MAST2: variants seen among roughly 807,000 people sequenced by gnomAD.
The protein encoded by MAST2 is microtubule-associated serine/threonine-protein kinase 2.
In MAST2, 70 loss-of-function variants were observed where a neutral mutation model predicts 147.4. The ratio of observed to expected loss-of-function variants is 0.47; its 90% CI spans 0.39 to 0.58. The LOEUF is 0.58. Ranked by LOEUF, MAST2 falls within the 20% of genes least tolerant of loss-of-function variation. The pLI, the probability that MAST2 is intolerant of heterozygous loss-of-function variation, is 0.00. For missense variants in MAST2, 2,080 were observed against 2,302.3 expected (o/e 0.90, Z 1.98); for synonymous variants, 869 against 896.8 (o/e 0.97, Z 0.55).
chr1:45,896,826 G>C (rs1276716037), intron 4 of MAST2, among the ~76,000 whole-genome samples: 1 of 152,166 alleles, frequency 6.6e-6, no homozygotes, highest in Non-Finnish European at 1.5e-5. Flanking sequence ...TGTATATGCA[G>C]TCATTAATCA....
intron 4 of MAST2, among the ~76,000 whole-genome samples, chr1:45,909,779 G>A (rs1463782644): frequency 6.6e-6 from 1 of 152,092 alleles, no homozygotes; most frequent in Non-Finnish European, 1.5e-5. Context: ...GCCTCCCAAA[G>A]TGCTGGGATT....
At position 45,970,481 on chromosome 1, in the gene MAST2, GGTGAAACCCTGTCTCTA is replaced by G. The variant is rs1458746280; in HGVS notation, c.592+11005_592+11021del. On this transcript the variant is annotated intron_variant, in intron 5 of 28. Coordinates refer to ENST00000361297, the MANE Select transcript of MAST2 (RefSeq NM_015112.3). ...AGTTCGAGACCATCCTGGCTAATAT[GGTGAAACCCTGTCTCTA>G]CTAAAAATACAAAAAAAAAATTAGC... Among the ~76,000 whole-genome samples the G allele has an allele frequency of 3.3e-5, 5 of 151,990 alleles. No individual in the cohort carries two copies. In the South Asian group the frequency reaches 1.0e-3, roughly 32 times the overall value.
chr1:45,837,087 A>G (rs1645125716), intron 3 of MAST2, among the ~76,000 whole-genome samples: 1 of 152,132 alleles, frequency 6.6e-6, no homozygotes, highest in Non-Finnish European at 1.5e-5. Context: ...GGTAATGCTC[A>G]CCCTCATACA....
In MAST2 at chr1:45,939,988, T is replaced by TTTTTGTTTTTTTTTTTTTTTTTG. The variant is rs1241853641; in HGVS notation, c.501-19394_501-19393insGTTTTTTTTTTTTTTTTTGTTTT. Reference sequence around the variant, plus strand: ...TTCTCTATTTATTTAGGGTTTTTTTTTTTTTTTTTTTTTGAGATGGAGTTT... The same window carrying TTTTTGTTTTTTTTTTTTTTTTTG: ...TTCTCTATTTATTTAGGGTTTTTTTTTTTTGTTTTTTTTTTTTTTTTTGTTTTTTTTTTTTTGAGATGGAGTTT... On this transcript the variant is annotated intron_variant, in intron 4 of 28. Transcript: ENST00000361297. Among the ~76,000 whole-genome samples the TTTTTGTTTTTTTTTTTTTTTTTG allele has an allele frequency of 1.5e-5, 2 of 130,772 alleles. 1 individual carries two copies. Among genetic ancestry groups the TTTTTGTTTTTTTTTTTTTTTTTG allele is most frequent in the Non-Finnish European group, 3.2e-5 (2 of 61,880 alleles). The allele number at this position is 130,772 out of a possible 152,430, so 85.8% of individuals were successfully genotyped here.
chr1:46,032,324 A>G lies in MAST2; in HGVS notation c.3334A>G (p.Lys1112Glu). The change falls in exon 25 of 29, where the codon AAG becomes GAG. Residue 1112 changes from lysine (K) to glutamate (E), a missense_variant. Around this residue, in one of 4 missense-constraint regions of MAST2, gnomAD observed 1,278 missense variants for 1,304.2 expected, o/e 0.98. Coordinates refer to ENST00000361297, the MANE Select transcript of MAST2 (RefSeq NM_015112.3). ...RPPIIIHRAGKKYGFTLRAIR... is the reference protein window; with the variant it reads ...RPPIIIHRAGEKYGFTLRAIR... ...TCCCATCATCATCCACCGAGCTGGC[A>G]AGAAGTATGGCTTCACCCTGCGGGC... 6.2e-7 allele frequency: 1 copy of G among 1,614,194 alleles called. No homozygotes were observed. The highest frequency in any genetic ancestry group is 8.5e-7 in the Non-Finnish European group (1 of 1,180,044).
intron 4 of MAST2, among the ~76,000 whole-genome samples, chr1:45,926,234 T>C (rs539316879): frequency 6.6e-6 from 1 of 152,372 alleles, no homozygotes; most frequent in Admixed American, 6.5e-5. Context: ...TCAAGGATTA[T>C]AGTAAGAATT....
chr1:45,940,938 A>G (rs1443346764), intron 4 of MAST2, among the ~76,000 whole-genome samples: 2 of 152,042 alleles, frequency 1.3e-5, no homozygotes, highest in Non-Finnish European at 2.9e-5. Flanking sequence ...TTTATTAGAA[A>G]GAGAATTGTT....
intron 4 of MAST2, among the ~76,000 whole-genome samples, chr1:45,945,603 T>C (rs1570864135): frequency 6.6e-6 from 1 of 152,172 alleles, no homozygotes; most frequent in East Asian, 1.9e-4. Flanking sequence ...TTGTTACTAA[T>C]ACAGGATGGG....
rs372749262 is a variant in MAST2, at chr1:45,997,747, C to T, written c.616C>T (p.Arg206Trp). The T allele has an allele frequency of 5.9e-5, 96 of 1,614,116 alleles. No individual in the cohort carries two copies. Among genetic ancestry groups the T allele is most frequent in the Non-Finnish European group, 7.3e-5 (86 of 1,179,980 alleles). ...HTGNSPLDSP[R>W]NFSPNAPAHF... ...AGGTAACAGTCCTTTGGACAGCCCC[C>T]GGAATTTCTCTCCAAATGCACCTGC... The change falls in exon 6 of 29, where the codon CGG becomes TGG. Residue 206 changes from arginine (R) to tryptophan (W), a missense_variant. By Grantham distance (101) the Arg-to-Trp change is moderately radical (BLOSUM62 -3). Around this residue, in one of 4 missense-constraint regions of MAST2, gnomAD observed 569 missense variants for 642.5 expected, o/e 0.89. Coordinates refer to ENST00000361297, the MANE Select transcript of MAST2 (RefSeq NM_015112.3).
chr1:45,877,731 T>A (rs1031036765), intron 3 of MAST2, among the ~76,000 whole-genome samples: 40 of 152,158 alleles, frequency 2.6e-4, no homozygotes, highest in African/African-American at 9.2e-4. Context: ...CATAATTTCT[T>A]TCAGAAAATA....
intron 3 of MAST2, among the ~76,000 whole-genome samples, chr1:45,866,633 G>A (rs1268390457): frequency 6.6e-6 from 1 of 152,046 alleles, no homozygotes; most frequent in Non-Finnish European, 1.5e-5. Context: ...CCTTCCTCTC[G>A]AGTCTTTGTT....
chr1:45,857,149 T>A (rs2148033926), intron 3 of MAST2, among the ~76,000 whole-genome samples: 1 of 152,326 alleles, frequency 6.6e-6, no homozygotes, highest in South Asian at 2.1e-4. Context: ...GAATGTAAGC[T>A]TTAAGAGGTC....
intron 4 of MAST2, among the ~76,000 whole-genome samples, chr1:45,934,040 T>C (rs750952302): frequency 1.1e-4 from 16 of 152,036 alleles, no homozygotes; most frequent in Non-Finnish European, 1.6e-4. Flanking sequence ...TAGTGCCCAA[T>C]AGGTAGTTTT....
chr1:45,968,190 T>C (rs911314467), intron 5 of MAST2, among the ~76,000 whole-genome samples: 1 of 152,196 alleles, frequency 6.6e-6, no homozygotes, highest in Non-Finnish European at 1.5e-5. Flanking sequence ...GGGATACTTA[T>C]CCTATATTAT....
intron 3 of MAST2, among the ~76,000 whole-genome samples, chr1:45,858,179 A>G (rs1250996795): frequency 6.6e-6 from 1 of 152,112 alleles, no homozygotes; most frequent in African/African-American, 2.4e-5. Context: ...ATCCTTGAGG[A>G]ATTGCCACAC....
intron 11 of MAST2, among the ~76,000 whole-genome samples, chr1:46,021,307 T>G (rs922952138): frequency 5.3e-5 from 8 of 151,994 alleles, no homozygotes; most frequent in Non-Finnish European, 1.2e-4. Flanking sequence ...GGGCTTGGAG[T>G]CAGACCTGGG....
rs1054878975 is a variant in MAST2 at position 45,997,658 on chromosome 1, C to G, written c.593-66C>G. ...CAGTGCTAGGGGAATATTTCTTGCC[C>G]GAAAGTCATGTCCACCCTCCTCACA... On this transcript the variant is annotated intron_variant, in intron 5 of 28. Transcript: ENST00000361297. 27 of 1,236,228 alleles carry G rather than the reference C, an allele frequency of 2.2e-5. No individual in the cohort carries two copies. In the Middle Eastern group the frequency reaches 5.6e-4, roughly 26 times the overall value. 76.6% of individuals were successfully genotyped at this position (1,236,228 alleles called of 1,614,324 possible). A position where few individuals can be genotyped will look rare whatever the true frequency, so the allele number is the denominator to read the frequency against.
chr1:45,967,384 T>G (rs1217549538), intron 5 of MAST2, among the ~76,000 whole-genome samples: 5 of 152,188 alleles, frequency 3.3e-5, no homozygotes, highest in African/African-American at 1.2e-4. Flanking sequence ...ATATAACTTT[T>G]GACTGCCCCG....
chr1:46,030,531 A>T (rs1646607296), intron 21 of MAST2, 76 bp from the exon 22 acceptor site: 1 of 1,500,934 alleles, frequency 6.7e-7, no homozygotes, highest in African/African-American at 1.4e-5. Context: ...TAGGTTTCCG[A>T]TGCCAAGGAT....
Sources: gnomAD v4.1 joint callset for allele counts (sites outside exome capture counted in the v4.1 genomes callset) on GRCh38, gnomAD v4.1.1 for gene constraint, gnomAD v4.1.1 regional missense constraint, MANE v1.5 for transcripts, NCBI Gene and HGNC (gene_info 2026-07-23, HGNC 2026-07-21) for gene names.